Variants in KCNT2 observed in about 807,000 individuals in gnomAD.
KCNT2 encodes potassium sodium-activated channel subfamily T member 2.
KCNT2 carries 67 observed loss-of-function variants against 153.8 expected under a neutral mutation model. The ratio of observed to expected loss-of-function variants is 0.44; its 90% CI spans 0.36 to 0.53. KCNT2 has a LOEUF of 0.53. Among genes scored for constraint, KCNT2 ranks in the 20% least tolerant of loss-of-function variants. The pLI is 0.00. For missense variants in KCNT2, 975 were observed against 1,354.8 expected (o/e 0.72, Z 4.40); for synonymous variants, 500 against 458.8 (o/e 1.09, Z -1.15).
intron 25 of KCNT2, 177 bp from the exon 26 acceptor site, chr1:196,258,671 G>A (rs1422122931): frequency 1.5e-6 from 1 of 671,734 alleles, no homozygotes; most frequent in Non-Finnish European, 2.6e-6. Context: ...TAAAATGTAT[G>A]TTTCCTTGAA....
chr1:196,273,393 A>G, intron 25 of KCNT2: 1 of 933,692 alleles, frequency 1.1e-6, no homozygotes, highest in African/African-American at 1.7e-5. Context: ...AATATTTAAT[A>G]TTATTTTTCT....
At chr1:196,417,896 A>T (rs1444737728) in intron 12 of KCNT2, among the ~76,000 whole-genome samples, 1 of 152,100 alleles carries the variant, frequency 6.6e-6, no homozygotes, top group Non-Finnish European at 1.5e-5. Context: ...AGGCAATAGG[A>T]ATTTTTCAGC....
chr1:196,330,869 T>C (rs1337040494), intron 18 of KCNT2, among the ~76,000 whole-genome samples: 1 of 151,938 alleles, frequency 6.6e-6, no homozygotes, highest in Non-Finnish European at 1.5e-5. Context: ...GAGACTTTGG[T>C]TGTTGAGGGT....
chr1:196,354,392 TTA>T (rs1201534948), intron 14 of KCNT2, among the ~76,000 whole-genome samples: 3 of 151,764 alleles, frequency 2.0e-5, no homozygotes, highest in Admixed American at 1.3e-4. Flanking sequence ...GATTTTCATA[TTA>T]GTTACTTTTA....
intron 1 of KCNT2, among the ~76,000 whole-genome samples, chr1:196,554,166 C>T (rs923732096): frequency 1.3e-5 from 2 of 150,896 alleles, no homozygotes; most frequent in African/African-American, 2.4e-5. Flanking sequence ...TAATAAAGAT[C>T]AGAGCAGAAA....
At chr1:196,416,732 A>G (rs1672784914) in intron 12 of KCNT2, among the ~76,000 whole-genome samples, 2 of 152,108 alleles carry the variant, frequency 1.3e-5, no homozygotes, top group African/African-American at 4.8e-5. Context: ...TAAAAAATAT[A>G]TAAGTATCCA....
At chr1:196,301,216 C>T (rs547947023) in intron 22 of KCNT2, among the ~76,000 whole-genome samples, 2 of 152,226 alleles carry the variant, frequency 1.3e-5, no homozygotes, top group South Asian at 4.2e-4. Context: ...TTGAATTTCC[C>T]TGAAGATCAT....
intron 19 of KCNT2, among the ~76,000 whole-genome samples, chr1:196,323,040 T>A (rs1488903607): frequency 1.3e-5 from 2 of 151,942 alleles, no homozygotes; most frequent in Non-Finnish European, 2.9e-5. Flanking sequence ...ACAATAGCTT[T>A]TTAAGATAAA....
chr1:196,517,600 C>T (rs1652751583), intron 1 of KCNT2, among the ~76,000 whole-genome samples: 1 of 152,106 alleles, frequency 6.6e-6, no homozygotes, highest in African/African-American at 2.4e-5. Context: ...GGCCGAAAAA[C>T]ACACTACAAG....
At chr1:196,269,235 T>G (rs1423430117) in intron 25 of KCNT2, among the ~76,000 whole-genome samples, 2 of 152,230 alleles carry the variant, frequency 1.3e-5, no homozygotes, top group Admixed American at 6.5e-5. Context: ...AAATATATGT[T>G]GAGCACTTGT....
At chr1:196,342,674 T>C (rs1002732592) in intron 14 of KCNT2, among the ~76,000 whole-genome samples, 3 of 151,820 alleles carry the variant, frequency 2.0e-5, no homozygotes, top group African/African-American at 7.3e-5. Context: ...CTGCTGTAGG[T>C]ATTTTATTTT....
At chr1:196,596,779 G>A (rs190094677) in intron 1 of KCNT2, among the ~76,000 whole-genome samples, 38 of 152,156 alleles carry the variant, frequency 2.5e-4, no homozygotes, top group Admixed American at 9.2e-4. Flanking sequence ...ACGTTTCACC[G>A]CAGCCTCGAC....
At chr1:196,235,235 C>A (rs2102233195) in intron 27 of KCNT2, among the ~76,000 whole-genome samples, 1 of 151,500 alleles carries the variant, frequency 6.6e-6, no homozygotes, top group East Asian at 1.9e-4. Context: ...ATTTTCCAAG[C>A]CATTCTTTCT....
intron 3 of KCNT2, among the ~76,000 whole-genome samples, chr1:196,485,809 T>C (rs1020274640): frequency 1.3e-5 from 2 of 150,514 alleles, no homozygotes; most frequent in Non-Finnish European, 3.0e-5. Flanking sequence ...GAATTTATCA[T>C]AAAAAAAAAG....
At chr1:196,410,550 T>C in intron 12 of KCNT2, among the ~76,000 whole-genome samples, 1 of 151,184 alleles carries the variant, frequency 6.6e-6, no homozygotes, top group South Asian at 2.1e-4. Context: ...ACATGTACCC[T>C]AAAACTTAAA....
chr1:196,324,614 C>T (rs978857180), intron 19 of KCNT2, among the ~76,000 whole-genome samples: 1 of 152,002 alleles, frequency 6.6e-6, no homozygotes, highest in African/African-American at 2.4e-5. Context: ...AGTATGATGA[C>T]TGACATGTAG....
At chr1:196,272,171 A>C (rs1178762842) in intron 25 of KCNT2, among the ~76,000 whole-genome samples, 1 of 151,938 alleles carries the variant, frequency 6.6e-6, no homozygotes, top group Non-Finnish European at 1.5e-5. Context: ...GGTCAGGCAA[A>C]ATAATTGGAT....
intron 1 of KCNT2, among the ~76,000 whole-genome samples, chr1:196,574,015 C>T (rs1661073403): frequency 1.3e-5 from 2 of 151,264 alleles, no homozygotes; most frequent in African/African-American, 2.4e-5. Context: ...TATACAAAAC[C>T]GGATGATAAA....
chr1:196,352,621 G>A (rs1184756588), intron 14 of KCNT2, among the ~76,000 whole-genome samples: 1 of 151,786 alleles, frequency 6.6e-6, no homozygotes, highest in Non-Finnish European at 1.5e-5. Flanking sequence ...TCTTGTTAGT[G>A]GTCTATCAAT....
Sources: gnomAD v4.1 joint callset for allele counts (sites outside exome capture counted in the v4.1 genomes callset) on GRCh38, gnomAD v4.1.1 for gene constraint, MANE v1.5 for transcripts, NCBI Gene and HGNC (gene_info 2026-07-23, HGNC 2026-07-21) for gene names.